Variants in COPS2 observed in about 807,000 individuals in gnomAD.
COPS2 encodes COP9 signalosome complex subunit 2.
In COPS2, 10 loss-of-function variants were observed where a neutral mutation model predicts 66.1. That is an observed-to-expected ratio of 0.15 (90% CI 0.09 to 0.26). COPS2 has a LOEUF of 0.26. COPS2 is among the 10% of genes least tolerant of loss of function. COPS2 has a pLI of 1.00. For missense variants in COPS2, 215 were observed against 513.3 expected (o/e 0.42, Z 5.62); for synonymous variants, 179 against 171.3 (o/e 1.04, Z -0.35).
intron 9 of COPS2, among the ~76,000 whole-genome samples, chr15:49,132,043 ACT>A (rs1372539046): frequency 6.6e-6 from 1 of 152,194 alleles, no homozygotes; most frequent in East Asian, 1.9e-4. Context: ...ATTTTAATGT[ACT>A]TAGCCAATTT....
At chr15:49,153,324 A>C (rs1337619216) in intron 1 of COPS2, among the ~76,000 whole-genome samples, 4 of 152,180 alleles carry the variant, frequency 2.6e-5, no homozygotes, top group Non-Finnish European at 5.9e-5. Context: ...TACATGAAAA[A>C]AAAAAAGGTC....
intron 4 of COPS2, 58 bp downstream of exon 4, chr15:49,139,470 C>G: frequency 7.2e-7 from 1 of 1,383,498 alleles, no homozygotes; most frequent in Admixed American, 1.9e-5. Context: ...AAGAACAAAG[C>G]CCTTACTATA....
intron 1 of COPS2, among the ~76,000 whole-genome samples, chr15:49,154,327 A>T (rs750262127): frequency 1.3e-5 from 2 of 152,250 alleles, no homozygotes; most frequent in Non-Finnish European, 1.5e-5. Flanking sequence ...GGTAGAAACC[A>T]TAACTATTAG....
chr15:49,128,479 A>G (rs1033525468), intron 12 of COPS2, among the ~76,000 whole-genome samples: 2 of 134,118 alleles, frequency 1.5e-5, no homozygotes, highest in Non-Finnish European at 3.1e-5. Flanking sequence ...GCTGTATATA[A>G]TAAGAAATCC....
chr15:49,141,745 AACC>A (rs1320902291), intron 3 of COPS2, among the ~76,000 whole-genome samples: 11 of 152,292 alleles, frequency 7.2e-5, no homozygotes, highest in African/African-American at 2.6e-4. Flanking sequence ...CACTCTTGTG[AACC>A]ATAACTTATT....
Position 49,125,380 on chromosome 15 carries a change from A to G in COPS2, c.*2570T>C, listed in dbSNP as rs991617076. 1 of 152,174 alleles carries G rather than the reference A, an allele frequency of 6.6e-6. No individual in the cohort carries two copies. Among genetic ancestry groups the G allele is most frequent in the Non-Finnish European group, 1.5e-5 (1 of 67,980 alleles). 9.4% of individuals were successfully genotyped at this position (152,174 alleles called of 1,614,324 possible). On this transcript the variant is annotated 3_prime_UTR_variant, in exon 13 of 13. Coordinates refer to ENST00000388901, the MANE Select transcript of COPS2 (RefSeq NM_004236.4). ...AGAGAGCATCTACTTGTGGCAGCCA[A>G]AGATTTCTTTGCAGTAACTTTTAGC...
In COPS2 at chr15:49,150,648, A is replaced by G. The variant is rs2084353840; in HGVS notation, c.54+4877T>C. Among the ~76,000 whole-genome samples the G allele has an allele frequency of 3.9e-5, 6 of 152,188 alleles. No individual in the cohort carries two copies. The South Asian group carries it at 1.2e-3, about 31-fold the overall frequency. On this transcript the variant is annotated intron_variant, in intron 1 of 12. Transcript: ENST00000388901. ...TGGAGGCCATTTTTCCTACCCAACT[A>G]ATGCAGGAACAGAAAACCAAATACT... is the stretch of plus-strand genomic sequence containing the variant.
chr15:49,147,496 C>A (rs2084329103), intron 1 of COPS2, among the ~76,000 whole-genome samples: 1 of 151,976 alleles, frequency 6.6e-6, no homozygotes. Context: ...AGCTTCCCAG[C>A]AAATGAGAAA....
Position 49,134,323 on chromosome 15 carries a change from C to T in COPS2, c.715+17G>A, listed in dbSNP as rs750700938. ...ATCTCCCCATGCCACTGCCCACCCT[C>T]TCCAAACCAAACTTGCCTCTGATAA... is the stretch of plus-strand genomic sequence containing the variant. On this transcript the variant is annotated intron_variant, in intron 7 of 12. Coordinates refer to ENST00000388901, the MANE Select transcript of COPS2 (RefSeq NM_004236.4). 19 of 1,610,700 alleles carry T rather than the reference C, an allele frequency of 1.2e-5. 1 individual carries two copies. The Admixed American group carries it at 2.7e-4, about 23-fold the overall frequency.
chr15:49,153,901 G>A (rs2084381861), intron 1 of COPS2, among the ~76,000 whole-genome samples: 1 of 152,148 alleles, frequency 6.6e-6, no homozygotes, highest in Non-Finnish European at 1.5e-5. Context: ...GAGTGGGGAA[G>A]TAAGAGAAGT....
In COPS2 at chr15:49,155,518, G is replaced by A; in HGVS notation, c.54+7C>T. ...CCACCCTCAGAGTTCCATTCCCTGC[G>A]CCTCACCAGGTCGTAGTCCTCCTCA... On this transcript the variant is annotated splice_region_variant and intron_variant, in intron 1 of 12. Transcript: ENST00000388901. The A allele has an allele frequency of 6.2e-7, 1 of 1,613,934 alleles. No homozygotes were observed. The highest frequency in any genetic ancestry group is 8.5e-7 in the Non-Finnish European group (1 of 1,179,818).
rs151211968 is a variant in COPS2, at chr15:49,129,943, T to C, written c.1046-384A>G. On this transcript the variant is annotated intron_variant, in intron 10 of 12. Coordinates refer to ENST00000388901, the MANE Select transcript of COPS2 (RefSeq NM_004236.4). ...AGTACTATATTTTATATAATGCTTT[T>C]ACAATTTCCTCCAGTTTTGTCTGTA... Among the ~76,000 whole-genome samples the C allele has an allele frequency of 1.3e-4, 20 of 152,310 alleles. No individual in the cohort carries two copies. The East Asian group carries it at 3.7e-3, about 28-fold the overall frequency.
intron 3 of COPS2, among the ~76,000 whole-genome samples, chr15:49,141,632 T>C (rs189397508): frequency 4.0e-4 from 61 of 152,320 alleles, no homozygotes; most frequent in African/African-American, 1.2e-3. Flanking sequence ...GAGAAGTTGA[T>C]AGTGAACCCT....
At chr15:49,154,524 TAA>T (rs1300143454) in intron 1 of COPS2, among the ~76,000 whole-genome samples, 3 of 152,182 alleles carry the variant, frequency 2.0e-5, no homozygotes, top group Non-Finnish European at 4.4e-5. Context: ...CTCTGGCACT[TAA>T]AATGAGTCAG....
intron 3 of COPS2, among the ~76,000 whole-genome samples, chr15:49,143,502 A>T (rs1003138006): frequency 2.0e-5 from 3 of 152,228 alleles, no homozygotes; most frequent in African/African-American, 2.4e-5. Flanking sequence ...TGGTAAGCAC[A>T]GTCATACTGG....
chr15:49,139,774 A>T, intron 3 of COPS2, 121 bp from the exon 4 acceptor site: 1 of 707,564 alleles, frequency 1.4e-6, no homozygotes, highest in South Asian at 2.5e-5. Flanking sequence ...TTCCTGATAT[A>T]GTTTTGTAAA....
intron 9 of COPS2, among the ~76,000 whole-genome samples, chr15:49,132,177 T>C (rs2084214759): frequency 6.6e-6 from 1 of 152,164 alleles, no homozygotes; most frequent in African/African-American, 2.4e-5. Flanking sequence ...TTAGTTAATG[T>C]GACCAAATGT....
intron 12 of COPS2, among the ~76,000 whole-genome samples, chr15:49,128,452 C>A (rs1415773715): frequency 6.6e-6 from 1 of 151,874 alleles, no homozygotes; most frequent in Non-Finnish European, 1.5e-5. Flanking sequence ...AAATACTATT[C>A]ATTAAATAAT....
Position 49,155,549 on chromosome 15 carries a change from G to A in COPS2, c.30C>T (p.Cys10=). MSDMEDDFM[C]DDEEDYDLEY... is the part of the protein sequence containing the mutation. ...CCAGGTCGTAGTCCTCCTCATCATC[G>A]CACATGAAATCATCCTCCATGTCAG... Residue 10 remains cysteine, a synonymous_variant, in exon 1 of 13, where the codon TGC becomes TGT. Transcript: ENST00000388901. 6.2e-7 allele frequency: 1 copy of A among 1,614,116 alleles called. No individual in the cohort carries two copies.
Sources: allele counts gnomAD v4.1 joint callset (sites outside exome capture counted in the v4.1 genomes callset), GRCh38; gene constraint gnomAD v4.1.1; transcripts MANE v1.5; gene names NCBI Gene and HGNC (gene_info 2026-07-23, HGNC 2026-07-21).